The following ROR2 variants were observed in gnomAD, a reference collection of about 807,000 sequenced individuals.
The protein encoded by ROR2 is tyrosine-protein kinase transmembrane receptor ROR2.
A neutral mutation model predicts 74.9 loss-of-function variants in ROR2; 33 were observed. That is an observed-to-expected ratio of 0.44 (90% CI 0.33 to 0.59). The LOEUF (loss-of-function observed/expected upper bound fraction) is 0.59. ROR2 is among the 20% of genes least tolerant of loss of function. The pLI, the probability that ROR2 is intolerant of heterozygous loss-of-function variation, is 0.02. For missense variants in ROR2, 1,216 were observed against 1,313.8 expected (o/e 0.93, Z 1.15); for synonymous variants, 586 against 558.7 (o/e 1.05, Z -0.69).
At chr9:91,857,548 T>C (rs1414033909) in intron 1 of ROR2, among the ~76,000 whole-genome samples, 1 of 152,144 alleles carries the variant, frequency 6.6e-6, no homozygotes, top group Non-Finnish European at 1.5e-5. Context: ...AAAAAGGCCT[T>C]TATAAATCCA....
chr9:91,730,832 C>T (rs1305016334), intron 7 of ROR2, 78 bp downstream of exon 7: 5 of 1,591,020 alleles, frequency 3.1e-6, no homozygotes, highest in Admixed American at 1.7e-5. Flanking sequence ...CACCCCAACC[C>T]AGGTCAGGAC....
chr9:91,801,484 C>T (rs1278346021), intron 1 of ROR2, among the ~76,000 whole-genome samples: 1 of 152,188 alleles, frequency 6.6e-6, no homozygotes, highest in Non-Finnish European at 1.5e-5. Context: ...AGGCGCCCGC[C>T]ACCACACCCA....
At chr9:91,780,326 G>A (rs140834663) in intron 1 of ROR2, among the ~76,000 whole-genome samples, 22 of 151,040 alleles carry the variant, frequency 1.5e-4, no homozygotes, top group Admixed American at 5.3e-4. Context: ...GCAGTGAGCC[G>A]AGATCACGCC....
At chr9:91,858,444 C>T (rs1800171336) in intron 1 of ROR2, among the ~76,000 whole-genome samples, 1 of 151,390 alleles carries the variant, frequency 6.6e-6, no homozygotes, top group African/African-American at 2.5e-5. Flanking sequence ...ACACACCCCA[C>T]AGAGCAGTGG....
intron 1 of ROR2, among the ~76,000 whole-genome samples, chr9:91,933,042 CAGGCGTTA>C (rs1831592127): frequency 6.6e-6 from 1 of 152,140 alleles, no homozygotes; most frequent in Admixed American, 6.5e-5. Context: ...CCTATGATTA[CAGGCGTTA>C]GCCTGTAATC....
At chr9:91,918,937 C>T (rs1344778457) in intron 1 of ROR2, among the ~76,000 whole-genome samples, 1 of 152,112 alleles carries the variant, frequency 6.6e-6, no homozygotes, top group Admixed American at 6.6e-5. Flanking sequence ...AACCCCTGTC[C>T]TTGTCATGCC....
chr9:91,806,781 G>A (rs1035873331), intron 1 of ROR2, among the ~76,000 whole-genome samples: 5 of 152,024 alleles, frequency 3.3e-5, no homozygotes, highest in African/African-American at 9.7e-5. Flanking sequence ...AGTAGAGACG[G>A]GGTTTCACCG....
rs1837059639 is a variant in ROR2 at position 91,726,868 on chromosome 9, C to T, written c.1184-125G>A. The stretch of plus-strand genomic sequence containing the variant: ...TGCACGTGTGTCATCACCTAAGTTA[C>T]ACAATGGGGTAAAAGGGCACACCAC... On this transcript the variant is annotated intron_variant, in intron 7 of 8. Transcript: ENST00000375708. 5.8e-6 allele frequency: 5 copies of T among 869,470 alleles called. 1 individual carries two copies. Among genetic ancestry groups the T allele is most frequent in the South Asian group, 2.8e-5 (2 of 70,714 alleles). The allele number at this position is 869,470 out of a possible 1,614,324, so 53.9% of individuals were successfully genotyped here.
intron 1 of ROR2, among the ~76,000 whole-genome samples, chr9:91,892,590 C>CTTTTTTTTTTTTTTTTTTTTTTT (rs547073635): frequency 2.8e-5 from 3 of 105,466 alleles, no homozygotes; most frequent in Non-Finnish European, 3.7e-5. Flanking sequence ...CTTTTCTTTT[C>CTTTTTTTTTTTTTTTTTTTTTTT]TTTTTTTTTT....
intron 1 of ROR2, among the ~76,000 whole-genome samples, chr9:91,825,327 A>G (rs866427634): frequency 2.2e-4 from 33 of 152,110 alleles, no homozygotes; most frequent in African/African-American, 7.7e-4. Flanking sequence ...GTGATGGGCT[A>G]TTCACCCACC....
chr9:91,858,362 C>T (rs550041597), intron 1 of ROR2, among the ~76,000 whole-genome samples: 25 of 152,320 alleles, frequency 1.6e-4, no homozygotes, highest in African/African-American at 5.8e-4. Context: ...CAGGCACACA[C>T]ACGAACGCAC....
chr9:91,829,419 A>G (rs565347937), intron 1 of ROR2, among the ~76,000 whole-genome samples: 1 of 152,070 alleles, frequency 6.6e-6, no homozygotes, highest in East Asian at 1.9e-4. Context: ...GCATGGTGGC[A>G]TGCAACTGTA....
At chr9:91,854,646 G>T (rs928330676) in intron 1 of ROR2, among the ~76,000 whole-genome samples, 2 of 152,188 alleles carry the variant, frequency 1.3e-5, no homozygotes, top group Admixed American at 1.3e-4. Context: ...AGGAGTGCAG[G>T]ATCAGAATCT....
Position 91,745,033 on chromosome 9 carries a change from T to A in ROR2, c.495-7515A>T, listed in dbSNP as rs111977265. On this transcript the variant is annotated intron_variant, in intron 4 of 8. Coordinates refer to ENST00000375708, the MANE Select transcript of ROR2 (RefSeq NM_004560.4). ...ACAACCTAAAGCGGCATTCCATGTG[T>A]GAGTGCACATCAAGTGTGCACATTT... Among the ~76,000 whole-genome samples, 619 of 152,334 alleles carry A rather than the reference T, an allele frequency of 4.1e-3. 11 individuals carry two copies. Among genetic ancestry groups the A allele is most frequent in the Non-Finnish European group, 3.1e-3 (211 of 68,028 alleles).
At chr9:91,815,687 T>C (rs1827905477) in intron 1 of ROR2, among the ~76,000 whole-genome samples, 1 of 152,246 alleles carries the variant, frequency 6.6e-6, no homozygotes, top group South Asian at 2.1e-4. Flanking sequence ...CTGAAACCCA[T>C]GGTCTTTGGA....
chr9:91,844,923 G>A (rs1828881033), intron 1 of ROR2, among the ~76,000 whole-genome samples: 2 of 152,168 alleles, frequency 1.3e-5, no homozygotes, highest in Admixed American at 6.5e-5. Context: ...TGTCATTCCT[G>A]CATTTTCTAC....
In ROR2 at chr9:91,821,742, C is replaced by T. The variant is rs78129775; in HGVS notation, c.98-45924G>A. ...CAGGACACAAATATTACTGCCCTGG[C>T]GAAGATCCTCACGTCTCTGCCTTAG... On this transcript the variant is annotated intron_variant, in intron 1 of 8. Transcript: ENST00000375708. 3.1e-3 allele frequency among the ~76,000 whole-genome samples: 474 copies of T among 152,282 alleles called. 4 individuals are homozygous for T. The highest frequency in any genetic ancestry group is 0.01 in the African/African-American group (416 of 41,558).
In ROR2 at chr9:91,858,603, C is replaced by T. The variant is rs1212392722; in HGVS notation, c.98-82785G>A. On this transcript the variant is annotated intron_variant, in intron 1 of 8. Transcript: ENST00000375708. ...GGCTACAATTTGAGAACTGCTAGGG[C>T]GGCTCATTAACGTGGAGGCAAAGTA... 2.0e-5 allele frequency among the ~76,000 whole-genome samples: 3 copies of T among 152,152 alleles called. No individual in the cohort carries two copies. In the East Asian group the frequency reaches 5.8e-4, roughly 29 times the overall value.
intron 1 of ROR2, among the ~76,000 whole-genome samples, chr9:91,839,277 T>TGTGTGTAAGTACAGGC (rs1554681712): frequency 2.1e-5 from 3 of 145,248 alleles, no homozygotes; most frequent in African/African-American, 8.2e-5. Context: ...TGTGTGTGTG[T>TGTGTGTAAGTACAGGC]GTGTGTGTGT....
Sources: gnomAD v4.1 joint callset for allele counts (sites outside exome capture counted in the v4.1 genomes callset) on GRCh38, gnomAD v4.1.1 for gene constraint, MANE v1.5 for transcripts, NCBI Gene and HGNC (gene_info 2026-07-23, HGNC 2026-07-21) for gene names.